Variants in YTHDC2 observed in about 807,000 individuals in gnomAD.
The protein encoded by YTHDC2 is 3'-5' RNA helicase YTHDC2.
A neutral mutation model predicts 174.9 loss-of-function variants in YTHDC2; 45 were observed. The ratio of observed to expected loss-of-function variants is 0.26; its 90% confidence interval spans 0.20 to 0.33. The LOEUF (loss-of-function observed/expected upper bound fraction) is 0.33, where lower values mean the gene tolerates loss of function less well. YTHDC2 is among the 10% of genes least tolerant of loss of function. The pLI is 1.00. For synonymous variants in YTHDC2, 657 were observed against 574.5 expected (o/e 1.14, Z -2.05); for missense variants, 1,650 against 1,723.7 (o/e 0.96, Z 0.76).
In YTHDC2 at chr5:113,589,406, A is replaced by ATATATATATATATAT. The variant is rs1350140447; in HGVS notation, c.3826-1635_3826-1634insTATATATATATATAT. Among the ~76,000 whole-genome samples the ATATATATATATATAT allele has an allele frequency of 7.8e-4, 87 of 111,098 alleles. 1 individual carries two copies. The highest frequency in any genetic ancestry group is 3.4e-3 in the African/African-American group (85 of 24,692). 72.9% of individuals were successfully genotyped at this position (111,098 alleles called of 152,430 possible). ...AGTCTTTTAAAAATTAAAAAAAAAA[A>ATATATATATATATAT]AAATATATATATATATATATATATA... is the stretch of plus-strand genomic sequence containing the variant. On this transcript the variant is annotated intron_variant, in intron 26 of 29. Transcript: ENST00000161863.
intron 23 of YTHDC2, among the ~76,000 whole-genome samples, chr5:113,578,716 C>T (rs1268637332): frequency 6.6e-6 from 1 of 152,068 alleles, no homozygotes; most frequent in African/African-American, 2.4e-5. Flanking sequence ...AGATTTGTCT[C>T]ATTACAGGAA....
At chr5:113,585,516 GTTTAAACTGTATAA>G (rs1340855011) in intron 26 of YTHDC2, among the ~76,000 whole-genome samples, 2 of 151,884 alleles carry the variant, frequency 1.3e-5, no homozygotes, top group Admixed American at 6.6e-5. Flanking sequence ...AAATTCACCA[GTTTAAACTGTATAA>G]TTTAATGAAT....
At chr5:113,551,754 A>G (rs1041549419) in intron 12 of YTHDC2, among the ~76,000 whole-genome samples, 2 of 152,168 alleles carry the variant, frequency 1.3e-5, no homozygotes, top group Admixed American at 6.6e-5. Context: ...TTAAAGTATA[A>G]TAAAACATTT....
chr5:113,581,113 A>G (rs1432932606), intron 24 of YTHDC2, among the ~76,000 whole-genome samples: 1 of 152,158 alleles, frequency 6.6e-6, no homozygotes, highest in East Asian at 1.9e-4. Context: ...AAATAACACT[A>G]TGAGCTACAT....
rs559468129 is a variant in YTHDC2, at chr5:113,544,794, G to A, written c.1495+2291G>A. On this transcript the variant is annotated intron_variant, in intron 10 of 29. Transcript: ENST00000161863. Reference sequence around the variant, plus strand: ...TCCCTGGTCTGCCTTCTCTGGATATGTTCTATTTTATCCCTTTTGAAAAGC... The same window carrying A: ...TCCCTGGTCTGCCTTCTCTGGATATATTCTATTTTATCCCTTTTGAAAAGC... Among the ~76,000 whole-genome samples the A allele has an allele frequency of 8.4e-4, 127 of 151,510 alleles. 3 individuals carry two copies. The highest frequency in any genetic ancestry group is 8.3e-3 in the Admixed American group (127 of 15,250).
intron 24 of YTHDC2, chr5:113,579,942 C>G (rs997823320): frequency 1.0e-6 from 1 of 982,628 alleles, no homozygotes; most frequent in African/African-American, 1.8e-5. Flanking sequence ...GTTGTTGCTG[C>G]TATAGTAATT....
In YTHDC2 at chr5:113,533,053, C is replaced by G. The variant is rs770939349; in HGVS notation, c.842+8C>G. The stretch of plus-strand genomic sequence containing the variant: ...GATCCGATTAGAAAGCAGGTAAAAA[C>G]AGTTCTCATGTATCTTCTCTTTTAT... On this transcript the variant is annotated splice_region_variant and intron_variant, in intron 5 of 29. Coordinates refer to ENST00000161863, the MANE Select transcript of YTHDC2 (RefSeq NM_022828.5). 5.8e-5 allele frequency: 94 copies of G among 1,613,488 alleles called. No individual in the cohort carries two copies. Among genetic ancestry groups the G allele is most frequent in the Non-Finnish European group, 7.6e-5 (90 of 1,179,792 alleles).
chr5:113,557,177 G>C (rs1776665815), intron 17 of YTHDC2, among the ~76,000 whole-genome samples: 1 of 152,136 alleles, frequency 6.6e-6, no homozygotes, highest in Non-Finnish European at 1.5e-5. Flanking sequence ...GGGGTTCTTG[G>C]AGTAAGGAGA....
chr5:113,555,293 AC>A lies in YTHDC2; in HGVS notation c.2134-757del, dbSNP rs535670862. On this transcript the variant is annotated intron_variant, in intron 16 of 29. Transcript: ENST00000161863. ...TGACAAATGTAATGTCATATTAAAA[AC>A]CAAATAAGCTGTTTTCTAAAAATTT... Among the ~76,000 whole-genome samples the A allele has an allele frequency of 2.8e-4, 42 of 151,958 alleles. 1 individual carries two copies. The highest frequency in any genetic ancestry group is 9.9e-4 in the African/African-American group (41 of 41,572).
intron 6 of YTHDC2, 70 bp downstream of exon 6, chr5:113,534,477 G>T: frequency 7.3e-7 from 1 of 1,373,232 alleles, no homozygotes; most frequent in South Asian, 1.3e-5. Flanking sequence ...TGCCGTTTCA[G>T]GATAGTCTCA....
At position 113,567,667 on chromosome 5, in the gene YTHDC2, A is replaced by G. The variant is rs138124055; in HGVS notation, c.3062A>G (p.Asn1021Ser). ...QPQYKKIPPA[N>S]GQAAAIKALP... ...TTTTCTTAATAGATTCCTCCAGCCA[A>G]TGGTCAAGCTGCAGCAATTAAGGCA... is the stretch of plus-strand genomic sequence containing the variant. The change falls in exon 23 of 30, where the codon AAT (asparagine) becomes AGT (serine). Residue 1021 changes from asparagine (N) to serine (S), a missense_variant. Physicochemically the swap from Asn to Ser is conservative, Grantham distance 46. Around this residue, in one of 5 missense-constraint regions of YTHDC2, gnomAD observed 913 missense variants for 940.4 expected, o/e 0.97. Coordinates refer to ENST00000161863, the MANE Select transcript of YTHDC2 (RefSeq NM_022828.5). 5.4e-5 allele frequency: 86 copies of G among 1,597,438 alleles called. No homozygotes were observed. In the Middle Eastern group the frequency reaches 8.3e-4, roughly 15 times the overall value.
intron 6 of YTHDC2, 103 bp downstream of exon 6, chr5:113,534,510 A>G: frequency 1.1e-6 from 1 of 948,240 alleles, no homozygotes. Context: ...ACATAATTAC[A>G]TTTTTGGAAT....
At chr5:113,536,750 G>A (rs1775106485) in intron 7 of YTHDC2, among the ~76,000 whole-genome samples, 1 of 149,458 alleles carries the variant, frequency 6.7e-6, no homozygotes. Context: ...TTGGCTTTAT[G>A]GATTTATGAT....
chr5:113,582,172 G>A (rs1234830863), intron 25 of YTHDC2: 1 of 152,358 alleles, frequency 6.6e-6, no homozygotes, highest in African/African-American at 2.4e-5. Flanking sequence ...ACTTCACTCA[G>A]TGACACATTG....
chr5:113,534,439 C>G (rs1243560935), intron 6 of YTHDC2, 32 bp downstream of exon 6: 9 of 1,564,336 alleles, frequency 5.8e-6, no homozygotes, highest in African/African-American at 1.4e-5. Flanking sequence ...TCATATGTAA[C>G]TCAGATTGCT....
intron 23 of YTHDC2, among the ~76,000 whole-genome samples, chr5:113,570,160 A>C (rs1414899719): frequency 2.0e-5 from 3 of 151,914 alleles, no homozygotes. Flanking sequence ...GCAGTGGCAC[A>C]ATCTCAGCTC....
chr5:113,532,761 A>G, intron 4 of YTHDC2, 118 bp from the exon 5 acceptor site: 3 of 843,554 alleles, frequency 3.6e-6, no homozygotes. Context: ...TGTTGATTTT[A>G]TGATTATATT....
chr5:113,530,112 ATATTT>A (rs1389417141), intron 4 of YTHDC2, among the ~76,000 whole-genome samples: 1 of 152,056 alleles, frequency 6.6e-6, no homozygotes, highest in Non-Finnish European at 1.5e-5. Flanking sequence ...CTTCCTATAA[ATATTT>A]TATTCTAATA....
chr5:113,585,364 C>T (rs1444643444), intron 26 of YTHDC2, among the ~76,000 whole-genome samples: 1 of 152,042 alleles, frequency 6.6e-6, no homozygotes, highest in Non-Finnish European at 1.5e-5. Context: ...TATTTAGCTG[C>T]ATATTGTATT....
Sources: gnomAD v4.1 joint callset for allele counts (sites outside exome capture counted in the v4.1 genomes callset) on GRCh38, gnomAD v4.1.1 for gene constraint, gnomAD v4.1.1 regional missense constraint, MANE v1.5 for transcripts, NCBI Gene and HGNC (gene_info 2026-07-23, HGNC 2026-07-21) for gene names.